Variants in KIAA0513 observed in about 807,000 individuals in gnomAD.
KIAA0513 encodes uncharacterized protein KIAA0513.
KIAA0513 carries 39 observed loss-of-function variants against 56.5 expected under a neutral mutation model. The observed-to-expected ratio is 0.69, with a 90% CI of 0.53 to 0.90. The LOEUF (loss-of-function observed/expected upper bound fraction) is 0.90, where lower values mean the gene tolerates loss of function less well. Ranked by LOEUF, KIAA0513 falls within the 40% of genes least tolerant of loss-of-function variation. The pLI, the probability that KIAA0513 is intolerant of heterozygous loss-of-function variation, is 0.00. For missense variants in KIAA0513, 591 were observed against 535.2 expected, an observed-to-expected ratio of 1.10 and a Z score of -1.03; for synonymous variants, 268 against 215.6, an observed-to-expected ratio of 1.24 and a Z score of -2.13.
At chr16:85,059,559 T>C (rs1332525765) in intron 1 of KIAA0513, among the ~76,000 whole-genome samples, 1 of 152,142 alleles carries the variant, frequency 6.6e-6, no homozygotes, top group South Asian at 2.1e-4. Flanking sequence ...CTGGAGGTGG[T>C]CCCCGCACAC....
rs1196142175 is a variant in KIAA0513, at chr16:85,071,784, G to C, written c.331G>C (p.Glu111Gln). 1 of 1,568,154 alleles carries C rather than the reference G, an allele frequency of 6.4e-7. No individual in the cohort carries two copies. The highest frequency in any genetic ancestry group is 2.0e-5 in the Admixed American group (1 of 50,594). The change falls in exon 3 of 13, where the codon GAG becomes CAG. Residue 111 changes from glutamate (E) to glutamine (Q), a missense_variant and splice_region_variant. By Grantham distance (29) the Glu-to-Gln change is conservative. Coordinates refer to ENST00000683363, the MANE Select transcript of KIAA0513 (RefSeq NM_001388359.1). The part of the protein sequence containing the change: ...GYVEKIFSGG[E>Q]DLDQEEKAKF... ...TCTGCTCTTTTTTTTTTTTTTTAGG[G>C]AGGACTTGGATCAGGAGGAGAAAGC...
chr16:85,080,561 A>C (rs898619774), intron 8 of KIAA0513, among the ~76,000 whole-genome samples: 5 of 152,182 alleles, frequency 3.3e-5, no homozygotes, highest in African/African-American at 1.2e-4. Flanking sequence ...TGGGAGGCCA[A>C]AGCGGGTAGA....
intron 1 of KIAA0513, among the ~76,000 whole-genome samples, chr16:85,052,426 C>T (rs934544132): frequency 4.6e-5 from 7 of 152,158 alleles, no homozygotes; most frequent in South Asian, 2.1e-4. Context: ...GCACCAGAAT[C>T]GCTTGAACCT....
At chr16:85,064,827 G>A (rs1050396140) in intron 1 of KIAA0513, among the ~76,000 whole-genome samples, 3 of 152,104 alleles carry the variant, frequency 2.0e-5, no homozygotes, top group Non-Finnish European at 4.4e-5. Flanking sequence ...CTGGATTACA[G>A]GCAAGCCCCA....
intron 1 of KIAA0513, among the ~76,000 whole-genome samples, chr16:85,062,920 A>G (rs1427442906): frequency 2.0e-5 from 3 of 152,168 alleles, no homozygotes; most frequent in African/African-American, 7.2e-5. Context: ...TCTTAGAGGA[A>G]GAGGGTGGGG....
Position 85,079,156 on chromosome 16 carries a change from C to T in KIAA0513, c.902+153C>T, listed in dbSNP as rs930557773. On this transcript the variant is annotated intron_variant, in intron 8 of 12. Coordinates refer to ENST00000683363, the MANE Select transcript of KIAA0513 (RefSeq NM_001388359.1). ...GAATAAAAAGATGAACACTCACAGG[C>T]GTTGGTGAGGATGTGGAGAAACTGG... 1.2e-5 allele frequency: 18 copies of T among 1,457,316 alleles called. No individual in the cohort carries two copies. The African/African-American group carries it at 1.8e-4, about 15-fold the overall frequency. 90.3% of individuals were successfully genotyped at this position (1,457,316 alleles called of 1,614,324 possible).
At chr16:85,079,235 C>G (rs528805621) in intron 8 of KIAA0513, 2 of 818,272 alleles carry the variant, frequency 2.4e-6, no homozygotes, top group South Asian at 2.2e-5. Context: ...GAGAAACAGT[C>G]TGGCAGTTCC....
At chr16:85,078,791 C>A in intron 7 of KIAA0513, 134 bp from the exon 8 acceptor site, 1 of 950,916 alleles carries the variant, frequency 1.1e-6, no homozygotes, top group Non-Finnish European at 1.6e-6. Context: ...AGCAGAAAAG[C>A]CACGGTGGGG....
intron 1 of KIAA0513, among the ~76,000 whole-genome samples, chr16:85,045,663 C>G (rs2073161367): frequency 6.6e-6 from 1 of 152,154 alleles, no homozygotes; most frequent in Non-Finnish European, 1.5e-5. Context: ...CCCCAGTGAC[C>G]TTGTTTTAAG....
At chr16:85,067,964 C>A (rs1324135972) in intron 2 of KIAA0513, among the ~76,000 whole-genome samples, 4 of 151,934 alleles carry the variant, frequency 2.6e-5, no homozygotes, top group African/African-American at 4.8e-5. Flanking sequence ...GCACCCACCA[C>A]CACGCTTGGC....
In KIAA0513 at chr16:85,093,404, C is replaced by T. The variant is rs1249348258; in HGVS notation, c.*5079C>T. 2 of 152,538 alleles carry T rather than the reference C, an allele frequency of 1.3e-5. No individual in the cohort carries two copies. Among genetic ancestry groups the T allele is most frequent in the Non-Finnish European group, 2.9e-5 (2 of 68,054 alleles). 9.4% of individuals were successfully genotyped at this position (152,538 alleles called of 1,614,324 possible). On this transcript the variant is annotated 3_prime_UTR_variant, in exon 13 of 13. Transcript: ENST00000683363. ...AGTACGATTTGGGGAGAACCCAGCT[C>T]CCCACTTTATCTGCAGACTCTGGGA...
chr16:85,077,481 T>A lies in KIAA0513; in HGVS notation c.631T>A (p.Ser211Thr). The stretch of plus-strand genomic sequence containing the variant: ...GGAGAAGCCCGCGGGCAGCATCGAC[T>A]CCTACCTGAAATCCGCAAACAGCTG... Reference protein sequence around the residue: ...SREKPAGSIDSYLKSANSWLA... With the variant: ...SREKPAGSIDTYLKSANSWLA... The change falls in exon 6 of 13, where the codon TCC (serine) becomes ACC (threonine). Residue 211 changes from serine to threonine, a missense_variant. Transcript: ENST00000683363. 1 of 1,614,130 alleles carries A rather than the reference T, an allele frequency of 6.2e-7. No individual in the cohort carries two copies. The highest frequency in any genetic ancestry group is 8.5e-7 in the Non-Finnish European group (1 of 1,180,024).
rs148781953 is a variant in KIAA0513 at position 85,053,423 on chromosome 16, G to A, written c.-172-13477G>A. ...AGTTAACTGTATCTCTTGGTTTTAT[G>A]TTCCCACATTCTCTATCAACATGTT... On this transcript the variant is annotated intron_variant, in intron 1 of 12. Transcript: ENST00000683363. 1.2e-4 allele frequency among the ~76,000 whole-genome samples: 18 copies of A among 152,294 alleles called. No individual in the cohort carries two copies. In the East Asian group the frequency reaches 3.5e-3, roughly 29 times the overall value.
At chr16:85,063,569 G>T (rs547321921) in intron 1 of KIAA0513, 2 of 152,214 alleles carry the variant, frequency 1.3e-5, no homozygotes, top group Non-Finnish European at 2.9e-5. Context: ...CCCAGCCCCA[G>T]CTTGATCTTG....
At chr16:85,032,669 C>G (rs1016797666) in intron 1 of KIAA0513, among the ~76,000 whole-genome samples, 1 of 151,874 alleles carries the variant, frequency 6.6e-6, no homozygotes, top group Non-Finnish European at 1.5e-5. Context: ...TTCAGTCTGT[C>G]GTCCAGGCTG....
intron 1 of KIAA0513, among the ~76,000 whole-genome samples, chr16:85,037,871 G>T (rs1267398418): frequency 6.6e-6 from 1 of 152,184 alleles, no homozygotes; most frequent in African/African-American, 2.4e-5. Flanking sequence ...CAAGTGAGCT[G>T]GAGTGGCCAA....
At chr16:85,063,890 A>C (rs2073441306) in intron 1 of KIAA0513, among the ~76,000 whole-genome samples, 1 of 152,184 alleles carries the variant, frequency 6.6e-6, no homozygotes, top group East Asian at 1.9e-4. Context: ...TGGCTGACCG[A>C]AGAATATTCT....
intron 1 of KIAA0513, among the ~76,000 whole-genome samples, chr16:85,032,146 T>C (rs1290583927): frequency 1.3e-5 from 2 of 152,208 alleles, no homozygotes; most frequent in African/African-American, 4.8e-5. Context: ...TCCCAGCTTC[T>C]ACTGGTGGCC....
intron 5 of KIAA0513, 30 bp downstream of exon 5, chr16:85,075,944 C>T: frequency 6.5e-7 from 1 of 1,527,816 alleles, no homozygotes; most frequent in Non-Finnish European, 9.1e-7. Flanking sequence ...ATGTGGGGCT[C>T]ACCTGAGGCT....
Sources: allele counts gnomAD v4.1 joint callset (sites outside exome capture counted in the v4.1 genomes callset), GRCh38; gene constraint gnomAD v4.1.1; transcripts MANE v1.5; gene names NCBI Gene and HGNC (gene_info 2026-07-23, HGNC 2026-07-21).